UMAD1: variants seen among roughly 807,000 people sequenced by gnomAD.
UMAD1 encodes UBAP1-MVB12-associated (UMA) domain containing 1.
A neutral mutation model predicts 6.1 loss-of-function variants in UMAD1; 8 were observed. That is an observed-to-expected ratio of 1.30 (90% CI 0.76 to 2.35). The LOEUF is 2.35. Among genes scored for constraint, UMAD1 ranks in the 30% most tolerant of loss-of-function variants. The pLI is 0.00. For synonymous variants in UMAD1, 56 were observed against 31.4 expected (o/e 1.78, Z -2.61); for missense variants, 130 against 78.4 (o/e 1.66, Z -2.49).
At chr7:7,856,373 A>G (rs1159748683) in intron 3 of UMAD1, among the ~76,000 whole-genome samples, 1 of 152,234 alleles carries the variant, frequency 6.6e-6, no homozygotes, top group Non-Finnish European at 1.5e-5. Flanking sequence ...ACAAGGCAGC[A>G]AGAGAGAGAA....
intron 2 of UMAD1, among the ~76,000 whole-genome samples, chr7:7,716,888 A>G (rs775028436): frequency 1.5e-4 from 23 of 151,962 alleles, no homozygotes; most frequent in Non-Finnish European, 3.2e-4. Context: ...GGAGCATGCT[A>G]TGTAAATGGC....
intron 2 of UMAD1, among the ~76,000 whole-genome samples, chr7:7,800,947 G>C (rs62434091): frequency 0.06 from 9,196 of 152,248 alleles, 384 homozygotes; most frequent in Non-Finnish European, 0.087. Flanking sequence ...AAAGAAGTAG[G>C]CTAATAGGTA....
At chr7:7,800,597 C>A (rs142938476) in intron 2 of UMAD1, among the ~76,000 whole-genome samples, 636 of 152,226 alleles carry the variant, frequency 4.2e-3, no homozygotes, top group Non-Finnish European at 7.5e-3. Context: ...CCTCTCCCAC[C>A]CTTTCCCCTG....
At chr7:7,726,354 G>A (rs927753437) in intron 2 of UMAD1, among the ~76,000 whole-genome samples, 1 of 152,222 alleles carries the variant, frequency 6.6e-6, no homozygotes, top group Non-Finnish European at 1.5e-5. Flanking sequence ...GCAGCAGTGA[G>A]CTCATGCTCA....
intron 2 of UMAD1, among the ~76,000 whole-genome samples, chr7:7,796,968 C>T (rs982768481): frequency 2.0e-5 from 3 of 152,064 alleles, no homozygotes; most frequent in Non-Finnish European, 4.4e-5. Context: ...TGCTGCAGCC[C>T]AGTGTCTCAG....
intron 3 of UMAD1, among the ~76,000 whole-genome samples, chr7:7,825,996 C>T (rs1030309): frequency 0.72 from 109,484 of 151,990 alleles, 39,542 homozygotes; most frequent in South Asian, 0.77. Context: ...ATAATGTAAA[C>T]GCTATATAAA....
intron 2 of UMAD1, among the ~76,000 whole-genome samples, chr7:7,743,476 A>G (rs1025156018): frequency 6.6e-6 from 1 of 152,082 alleles, no homozygotes. Flanking sequence ...GTGTTTAAAG[A>G]TGTTTTGATA....
chr7:7,694,579 ATCTC>A (rs1476266618), intron 2 of UMAD1, among the ~76,000 whole-genome samples: 2 of 148,026 alleles, frequency 1.4e-5, no homozygotes, highest in African/African-American at 2.5e-5. Context: ...TCTACTCTCT[ATCTC>A]TCTGAGTTCA....
In UMAD1 at chr7:7,847,095, AAAAAAAAAAAT is replaced by A. The variant is rs1221229342; in HGVS notation, c.157-30184_157-30174del. ...AAAAAAAGACAGCAATGCAAAAAAA[AAAAAAAAAAAT>A]ATATATATATATATATATATATATA... is the stretch of plus-strand genomic sequence containing the variant. On this transcript the variant is annotated intron_variant, in intron 3 of 3. Coordinates refer to ENST00000682710, the MANE Select transcript of UMAD1 (RefSeq NM_001302348.2). Among the ~76,000 whole-genome samples the A allele has an allele frequency of 1.9e-4, 9 of 47,152 alleles. 1 individual carries two copies. Among genetic ancestry groups the A allele is most frequent in the African/African-American group, 1.0e-3 (7 of 6,758 alleles). 30.9% of individuals were successfully genotyped at this position (47,152 alleles called of 152,430 possible).
intron 2 of UMAD1, among the ~76,000 whole-genome samples, chr7:7,789,401 C>G (rs372202812): frequency 6.7e-6 from 1 of 148,876 alleles, no homozygotes; most frequent in Admixed American, 6.6e-5. Context: ...TAGAACAAAA[C>G]TAAAATTGAA....
intron 1 of UMAD1, among the ~76,000 whole-genome samples, chr7:7,657,610 T>C (rs1301088327): frequency 6.6e-6 from 1 of 152,158 alleles, no homozygotes; most frequent in Non-Finnish European, 1.5e-5. Context: ...ATGTCAAAGA[T>C]CAGATGGTTG....
chr7:7,851,179 C>G (rs1365667912), intron 3 of UMAD1, among the ~76,000 whole-genome samples: 3 of 152,080 alleles, frequency 2.0e-5, no homozygotes, highest in African/African-American at 7.2e-5. Flanking sequence ...TGACTGGCTT[C>G]TTTCAGTTAG....
intron 2 of UMAD1, among the ~76,000 whole-genome samples, chr7:7,790,765 C>G (rs1782553596): frequency 1.3e-5 from 2 of 152,184 alleles, no homozygotes; most frequent in Admixed American, 1.3e-4. Context: ...TTAATAAAAC[C>G]AACCAGCTTC....
chr7:7,710,246 T>C (rs1187965593), intron 2 of UMAD1, among the ~76,000 whole-genome samples: 2 of 152,136 alleles, frequency 1.3e-5, no homozygotes, highest in African/African-American at 4.8e-5. Context: ...TACTGAACAT[T>C]AGTAGGCAGA....
chr7:7,728,731 G>T (rs1270751944), intron 2 of UMAD1, among the ~76,000 whole-genome samples: 1 of 152,022 alleles, frequency 6.6e-6, no homozygotes, highest in Non-Finnish European at 1.5e-5. Context: ...CACTCAAGAA[G>T]TGGTATCTCT....
chr7:7,652,295 A>T (rs1479651104), intron 1 of UMAD1, among the ~76,000 whole-genome samples: 1 of 152,176 alleles, frequency 6.6e-6, no homozygotes, highest in Non-Finnish European at 1.5e-5. Flanking sequence ...TTCTTGGTCA[A>T]TACCCATTGA....
chr7:7,841,125 T>C (rs894497162), intron 3 of UMAD1, among the ~76,000 whole-genome samples: 1 of 152,190 alleles, frequency 6.6e-6, no homozygotes, highest in African/African-American at 2.4e-5. Context: ...TTATTTTACA[T>C]TCCCAAATTA....
intron 1 of UMAD1, among the ~76,000 whole-genome samples, chr7:7,665,880 C>T (rs1242938545): frequency 6.6e-6 from 1 of 150,794 alleles, no homozygotes; most frequent in African/African-American, 2.4e-5. Context: ...TTTTGTTTCC[C>T]TTTTACTACC....
chr7:7,845,960 T>A (rs897284859), intron 3 of UMAD1, among the ~76,000 whole-genome samples: 4 of 152,164 alleles, frequency 2.6e-5, no homozygotes, highest in Non-Finnish European at 5.9e-5. Flanking sequence ...ACTATTTATT[T>A]TCTCTTGCTA....
Sources: gnomAD v4.1 joint callset for allele counts (sites outside exome capture counted in the v4.1 genomes callset) on GRCh38, gnomAD v4.1.1 for gene constraint, MANE v1.5 for transcripts, NCBI Gene and HGNC (gene_info 2026-07-23, HGNC 2026-07-21) for gene names.